The following LOC400499 variants were observed in gnomAD, a reference collection of about 807,000 sequenced individuals.
At chr16:11,451,714 G>C in the LOC400499 span, among the ~76,000 whole-genome samples, 15 of 152,334 alleles carry the variant, frequency 9.8e-5, no homozygotes, top group East Asian at 2.5e-3. Flanking sequence ...ATACCTAAAT[G>C]ACAGACAAGG....
the LOC400499 span, among the ~76,000 whole-genome samples, chr16:11,497,325 A>G: frequency 7.2e-5 from 11 of 152,222 alleles, 1 homozygote; most frequent in African/African-American, 2.7e-4. Flanking sequence ...GAAAAAGCAC[A>G]TTCAATGTTT....
the LOC400499 span, among the ~76,000 whole-genome samples, chr16:11,498,673 C>G: frequency 0.015 from 2,202 of 151,696 alleles, 65 homozygotes; most frequent in African/African-American, 0.051. Context: ...GACTCGATGA[C>G]AGAACAAGAA....
the LOC400499 span, chr16:11,457,272 T>G: frequency 2.0e-6 from 1 of 498,672 alleles, no homozygotes. Context: ...GCAGCTACTG[T>G]GGAAAACAGT....
chr16:11,438,527 T>C, the LOC400499 span, among the ~76,000 whole-genome samples: 41 of 148,776 alleles, frequency 2.8e-4, 1 homozygote, highest in African/African-American at 9.4e-4. Context: ...TCCCAGCACC[T>C]TGGGAGGCCA....
At chr16:11,491,569 G>A in the LOC400499 span, 1 of 387,394 alleles carries the variant, frequency 2.6e-6, no homozygotes, top group Non-Finnish European at 4.6e-6. Context: ...GAGAAACAGG[G>A]GAACAAGAAC....
chr16:11,472,564 G>A, the LOC400499 span: 4 of 152,130 alleles, frequency 2.6e-5, no homozygotes, highest in African/African-American at 9.7e-5. Context: ...AGAATGCCTG[G>A]TTCAAATTCT....
At chr16:11,508,627 A>G in the LOC400499 span, 11 of 397,534 alleles carry the variant, frequency 2.8e-5, no homozygotes, top group Non-Finnish European at 4.9e-5. Context: ...ATCTGAGAGG[A>G]TGGGCCAGGA....
At chr16:11,514,165 T>G in the LOC400499 span, among the ~76,000 whole-genome samples, 1 of 152,208 alleles carries the variant, frequency 6.6e-6, no homozygotes, top group Non-Finnish European at 1.5e-5. Context: ...CAGGGCCATT[T>G]GATCTGAGCC....
the LOC400499 span, chr16:11,502,053 C>T: frequency 2.5e-6 from 1 of 399,060 alleles, no homozygotes; most frequent in Non-Finnish European, 4.4e-6. Context: ...CCTAGTCCAT[C>T]CCCCACCCGG....
At chr16:11,494,848 A>C in the LOC400499 span, 1 of 257,132 alleles carries the variant, frequency 3.9e-6, no homozygotes, top group African/African-American at 3.4e-5. Context: ...TCACCTGGGC[A>C]ACTTCATAAT....
the LOC400499 span, among the ~76,000 whole-genome samples, chr16:11,396,218 G>C: frequency 6.6e-6 from 1 of 152,232 alleles, no homozygotes; most frequent in African/African-American, 2.4e-5. Flanking sequence ...GCTAGGCTGG[G>C]ATTCAAACTT....
At chr16:11,403,443 G>C in the LOC400499 span, among the ~76,000 whole-genome samples, 1 of 152,144 alleles carries the variant, frequency 6.6e-6, no homozygotes, top group East Asian at 1.9e-4. Flanking sequence ...ACACGTGCAT[G>C]TATACACACA....
At chr16:11,457,593 A>T in the LOC400499 span, among the ~76,000 whole-genome samples, 2 of 61,424 alleles carry the variant, frequency 3.3e-5, no homozygotes, top group African/African-American at 9.9e-5. Context: ...CTCCATCTCA[A>T]AAAAAAAAAA....
At chr16:11,399,780 C>T in the LOC400499 span, 2 of 398,644 alleles carry the variant, frequency 5.0e-6, no homozygotes, top group Non-Finnish European at 8.8e-6. Flanking sequence ...TGAGCTGCAG[C>T]GTCGCAGGTT....
chr16:11,390,076 G>A, the LOC400499 span: 3 of 1,220,988 alleles, frequency 2.5e-6, no homozygotes, highest in Non-Finnish European at 3.1e-6. Flanking sequence ...CAGGCACGCA[G>A]GATGCGCTAC....
the LOC400499 span, among the ~76,000 whole-genome samples, chr16:11,413,496 C>A: frequency 6.6e-6 from 1 of 152,150 alleles, no homozygotes; most frequent in African/African-American, 2.4e-5. Context: ...AGGGCCCAGC[C>A]AAGCAGGACG....
the LOC400499 span, among the ~76,000 whole-genome samples, chr16:11,449,755 A>T: frequency 6.6e-6 from 1 of 152,310 alleles, no homozygotes; most frequent in East Asian, 1.9e-4. Flanking sequence ...CATTTCCTAG[A>T]ATGGCACTTC....
chr16:11,506,481 C>A, the LOC400499 span, among the ~76,000 whole-genome samples: 2 of 152,222 alleles, frequency 1.3e-5, no homozygotes, highest in Admixed American at 6.5e-5. Flanking sequence ...ACACCTGTAA[C>A]TCGAGCTCCT....
At chr16:11,462,265 A>G in the LOC400499 span, 1,159,745 of 1,518,658 alleles carry the variant, frequency 0.76, 448,485 homozygotes, top group Admixed American at 0.83. Flanking sequence ...GGAACCGCTC[A>G]GCCTCGCCAC....
Sources: gnomAD v4.1 joint callset for allele counts (sites outside exome capture counted in the v4.1 genomes callset) on GRCh38, gnomAD v4.1.1 for gene constraint, MANE v1.5 for transcripts.